The following GPNMB variants were observed in gnomAD, a reference collection of about 807,000 sequenced individuals.
GPNMB encodes the protein glycoprotein nmb.
In GPNMB, 71 loss-of-function variants were observed where a neutral mutation model predicts 57.3. That is an observed-to-expected ratio of 1.24 (90% CI 1.02 to 1.51). GPNMB has a LOEUF of 1.51. GPNMB is among the 40% of genes most tolerant of loss of function. The probability of loss-of-function intolerance (pLI) is 0.00; values close to 1 mark genes in which losing one functional copy is unlikely to be tolerated. For synonymous variants in GPNMB, 253 were observed against 263.2 expected, an observed-to-expected ratio of 0.96 and a Z score of 0.38; for missense variants, 677 against 691.9, an observed-to-expected ratio of 0.98 and a Z score of 0.24.
In GPNMB at chr7:23,260,040, T is replaced by C; in HGVS notation, c.602T>C (p.Val201Ala). ...SVRVSVNTAN[V>A]TLGPQLMEVT... ...AGAGTTTCTGTGAACACAGCCAATG[T>C]GACACTTGGGCCTCAACTCATGGAA... The change falls in exon 5 of 11, where the codon GTG becomes GCG. Residue 201 changes from valine to alanine, a missense_variant. Physicochemically the swap from Val to Ala is moderately conservative, Grantham distance 64. Transcript: ENST00000258733. The C allele has an allele frequency of 6.2e-7, 1 of 1,614,006 alleles. No individual in the cohort carries two copies. Among genetic ancestry groups the C allele is most frequent in the Non-Finnish European group, 8.5e-7 (1 of 1,179,842 alleles).
intron 1 of GPNMB, chr7:23,247,654 G>C (rs1311220266): frequency 2.0e-5 from 3 of 152,758 alleles, no homozygotes; most frequent in Non-Finnish European, 4.4e-5. Context: ...GGATTGCGGG[G>C]ACGGGACGGG....
chr7:23,253,415 C>G lies in GPNMB; in HGVS notation c.179C>G (p.Pro60Arg), dbSNP rs1284183582. The G allele has an allele frequency of 6.2e-7, 1 of 1,613,966 alleles. No individual in the cohort carries two copies. The highest frequency in any genetic ancestry group is 2.2e-5 in the East Asian group (1 of 44,886). ...DENDWNEKLY[P>R]VWKRGDMRWK... ...AATGACTGGAATGAAAAACTCTACC[C>G]AGTGTGGAAGCGGGGAGACATGAGG... is the stretch of plus-strand genomic sequence containing the variant. The change falls in exon 2 of 11, where the codon CCA becomes CGA. Residue 60 changes from proline (P) to arginine (R), a missense_variant. Transcript: ENST00000258733.
intron 4 of GPNMB, 41 bp downstream of exon 4, chr7:23,257,106 C>T: frequency 6.5e-7 from 1 of 1,537,352 alleles, no homozygotes; most frequent in Non-Finnish European, 9.0e-7. Flanking sequence ...TTTACCTTTC[C>T]TTAAAATTTC....
chr7:23,266,005 G>C (rs1783048350), intron 6 of GPNMB: 1 of 154,614 alleles, frequency 6.5e-6, no homozygotes, highest in African/African-American at 2.4e-5. Context: ...CTGGAGTACA[G>C]TGGCGCCATC....
rs764826355 is a variant in GPNMB, at chr7:23,269,955, C to T, written c.1221-12C>T. Reference sequence around the variant, plus strand: ...GTGCCCTGTGCGCCCTCGCCCACCTCCCCTGTCGCAGCATTCCCACGGAGG... The same window carrying T: ...GTGCCCTGTGCGCCCTCGCCCACCTTCCCTGTCGCAGCATTCCCACGGAGG... On this transcript the variant is annotated splice_polypyrimidine_tract_variant and intron_variant, in intron 8 of 10. Transcript: ENST00000258733. The T allele has an allele frequency of 5.0e-6, 8 of 1,610,176 alleles. No individual in the cohort carries two copies. Among genetic ancestry groups the T allele is most frequent in the Non-Finnish European group, 6.8e-6 (8 of 1,176,718 alleles).
At chr7:23,258,688 A>G (rs954811830) in intron 4 of GPNMB, among the ~76,000 whole-genome samples, 4 of 152,212 alleles carry the variant, frequency 2.6e-5, no homozygotes, top group Admixed American at 1.3e-4. Flanking sequence ...CCCTCAACTA[A>G]GTATGGTCTC....
chr7:23,254,461 T>C (rs1782731755), intron 3 of GPNMB, 149 bp downstream of exon 3: 1 of 616,352 alleles, frequency 1.6e-6, no homozygotes, highest in African/African-American at 1.9e-5. Context: ...TGTGTGGTCC[T>C]ACCCAGTGCC....
At chr7:23,260,232 G>T (rs974855503) in intron 5 of GPNMB, 94 bp downstream of exon 5, 1 of 1,321,900 alleles carries the variant, frequency 7.6e-7, no homozygotes, top group Admixed American at 1.8e-5. Flanking sequence ...TCGGGGTTAG[G>T]TTACAATGCA....
rs1783067159 is a variant in GPNMB, at chr7:23,266,535, C to G, written c.1037C>G (p.Pro346Arg). ...TPSLGPAGDN[P>R]LELSRIPDEN... ...ACCCCAGGACCTGCTGGTGACAACCCCCTGGAGCTGAGTAGGATTCCTGAT... is the reference window on the plus strand; with the variant it reads ...ACCCCAGGACCTGCTGGTGACAACCGCCTGGAGCTGAGTAGGATTCCTGAT... The change falls in exon 7 of 11, where the codon CCC (proline) becomes CGC (arginine). Residue 346 changes from proline to arginine, a missense_variant. Coordinates refer to ENST00000258733, the MANE Select transcript of GPNMB (RefSeq NM_002510.3). 6.2e-7 allele frequency: 1 copy of G among 1,613,082 alleles called. No individual in the cohort carries two copies.
Position 23,270,057 on chromosome 7 carries a change from G to A in GPNMB, c.1311G>A (p.Met437Ile). 5.0e-6 allele frequency: 8 copies of A among 1,614,024 alleles called. No homozygotes were observed. The highest frequency in any genetic ancestry group is 5.9e-6 in the Non-Finnish European group (7 of 1,179,938). Residue 437 changes from methionine (M) to isoleucine (I), a missense_variant, in exon 9 of 11, where the codon ATG becomes ATA. Met to Ile is a conservative substitution (Grantham distance 10). Transcript: ENST00000258733. The part of the protein sequence containing the change: ...TVCSPVDVDE[M>I]CLLTVRRTFN... ...GCAGCCCTGTGGATGTGGATGAGAT[G>A]TGTCTGCTGACTGTGAGACGAACCT...
intron 3 of GPNMB, among the ~76,000 whole-genome samples, chr7:23,254,764 T>C (rs1389402267): frequency 6.6e-6 from 1 of 152,234 alleles, no homozygotes; most frequent in Non-Finnish European, 1.5e-5. Flanking sequence ...GTGTATATTT[T>C]GGTTTTGCTT....
At chr7:23,260,880 G>T (rs1782906772) in intron 6 of GPNMB, 107 bp downstream of exon 6, 6 of 814,156 alleles carry the variant, frequency 7.4e-6, no homozygotes, top group Non-Finnish European at 1.1e-5. Flanking sequence ...TAAGGACTCT[G>T]CGGTGATTCC....
In GPNMB at chr7:23,260,477, C is replaced by T; in HGVS notation, c.722C>T (p.Thr241Ile). 6.2e-7 allele frequency: 1 copy of T among 1,612,604 alleles called. No individual in the cohort carries two copies. Among genetic ancestry groups the T allele is most frequent in the Non-Finnish European group, 8.5e-7 (1 of 1,178,942 alleles). The change falls in exon 6 of 11, where the codon ACT (threonine) becomes ATT (isoleucine). Residue 241 changes from threonine (T) to isoleucine (I), a missense_variant. Thr to Ile is a moderately conservative substitution (Grantham distance 89). Transcript: ENST00000258733. ...TTAGATCAGATTCCTGTGTTTGTGA[C>T]TATGTTCCAGAAGAACGATCGAAAT... ...VVTDQIPVFVTMFQKNDRNSS... is the reference protein window; with the variant it reads ...VVTDQIPVFVIMFQKNDRNSS...
rs780454951 is a variant in GPNMB at position 23,260,673 on chromosome 7, T to A, written c.918T>A (p.Asn306Lys). ...CTGTGAATCACACGTATGTGCTCAA[T>A]GGAACCTTCAGCCTTAACCTCACTG... ...NHTVNHTYVL[N>K]GTFSLNLTVK... is the part of the protein sequence containing the mutation. Residue 306 changes from asparagine to lysine, a missense_variant, in exon 6 of 11, where the codon AAT (asparagine) becomes AAA (lysine). Transcript: ENST00000258733. 6.2e-7 allele frequency: 1 copy of A among 1,614,016 alleles called. No homozygotes were observed. The highest frequency in any genetic ancestry group is 1.7e-5 in the Admixed American group (1 of 60,012).
Position 23,269,955 on chromosome 7 carries a change from C to A in GPNMB, c.1221-12C>A, listed in dbSNP as rs764826355. The A allele has an allele frequency of 1.9e-6, 3 of 1,610,294 alleles. No individual in the cohort carries two copies. The highest frequency in any genetic ancestry group is 2.5e-6 in the Non-Finnish European group (3 of 1,176,710). ...GTGCCCTGTGCGCCCTCGCCCACCTCCCCTGTCGCAGCATTCCCACGGAGG... is the reference window on the plus strand; with the variant it reads ...GTGCCCTGTGCGCCCTCGCCCACCTACCCTGTCGCAGCATTCCCACGGAGG... On this transcript the variant is annotated splice_polypyrimidine_tract_variant and intron_variant, in intron 8 of 10. Coordinates refer to ENST00000258733, the MANE Select transcript of GPNMB (RefSeq NM_002510.3).
intron 8 of GPNMB, among the ~76,000 whole-genome samples, chr7:23,268,591 A>G (rs976585464): frequency 2.0e-5 from 3 of 151,594 alleles, no homozygotes; most frequent in Admixed American, 2.0e-4. Context: ...ATATCGATTA[A>G]CTAAATATAC....
chr7:23,255,407 T>C (rs535181170), intron 3 of GPNMB, among the ~76,000 whole-genome samples: 20 of 152,354 alleles, frequency 1.3e-4, no homozygotes, highest in African/African-American at 4.8e-4. Context: ...ATTTAATTCT[T>C]TTTATGACTG....
chr7:23,274,303 C>G lies in GPNMB; in HGVS notation c.*79C>G. 1.7e-5 allele frequency: 18 copies of G among 1,053,160 alleles called. No homozygotes were observed. Among genetic ancestry groups the G allele is most frequent in the Non-Finnish European group, 2.6e-5 (18 of 705,574 alleles). The allele number at this position is 1,053,160 out of a possible 1,614,324, so 65.2% of individuals were successfully genotyped here. A position where few individuals can be genotyped will look rare whatever the true frequency, so the allele number is the denominator to read the frequency against. ...CTGGAGTGGCTATTAACCTTTTTTT[C>G]CTAAAGATTATTGTTAAATAGATAT... is the stretch of plus-strand genomic sequence containing the variant. On this transcript the variant is annotated 3_prime_UTR_variant, in exon 11 of 11. Transcript: ENST00000258733.
At chr7:23,249,770 C>T (rs983236175) in intron 1 of GPNMB, among the ~76,000 whole-genome samples, 1 of 151,666 alleles carries the variant, frequency 6.6e-6, no homozygotes, top group African/African-American at 2.4e-5. Context: ...TATAAATATT[C>T]ATGTGCAGAT....
Sources: gnomAD v4.1 joint callset for allele counts (sites outside exome capture counted in the v4.1 genomes callset) on GRCh38, gnomAD v4.1.1 for gene constraint, MANE v1.5 for transcripts, NCBI Gene and HGNC (gene_info 2026-07-23, HGNC 2026-07-21) for gene names.